Variants in TLN2 observed in about 807,000 individuals in gnomAD.
TLN2 encodes the protein talin-2.
A neutral mutation model predicts 294.7 loss-of-function variants in TLN2; 118 were observed. The observed-to-expected ratio is 0.40, with a 90% CI of 0.34 to 0.47. The LOEUF (loss-of-function observed/expected upper bound fraction) is 0.47, where lower values mean the gene tolerates loss of function less well. Ranked by LOEUF, TLN2 falls within the 20% of genes least tolerant of loss-of-function variation. TLN2 has a pLI of 0.84. For missense variants in TLN2, 3,083 were observed against 3,282.2 expected, an observed-to-expected ratio of 0.94 and a Z score of 1.48; for synonymous variants, 1,431 against 1,304.5, an observed-to-expected ratio of 1.10 and a Z score of -2.09.
At chr15:62,564,169 G>A (rs1231083895) in intron 1 of TLN2, among the ~76,000 whole-genome samples, 1 of 152,188 alleles carries the variant, frequency 6.6e-6, no homozygotes, top group Non-Finnish European at 1.5e-5. Flanking sequence ...ACACATGAGG[G>A]AATGGAGACT....
intron 32 of TLN2, among the ~76,000 whole-genome samples, chr15:62,748,028 C>T (rs2061710892): frequency 1.3e-5 from 2 of 151,948 alleles, no homozygotes; most frequent in Admixed American, 1.3e-4. Context: ...GAGAGGTAGA[C>T]ACACTGGTGT....
Position 62,711,902 on chromosome 15 carries a change from G to A in TLN2, c.2468-9G>A, listed in dbSNP as rs745578451. On this transcript the variant is annotated splice_polypyrimidine_tract_variant and intron_variant, in intron 21 of 58. Coordinates refer to ENST00000636159, the MANE Select transcript of TLN2 (RefSeq NM_015059.3). The stretch of plus-strand genomic sequence containing the variant: ...ACAAACAGACCTCATCCTCTATTCT[G>A]TCTTCTAGGTGAAATGGTGCGCCAG... 1 of 1,602,492 alleles carries A rather than the reference G, an allele frequency of 6.2e-7. No homozygotes were observed. Among genetic ancestry groups the A allele is most frequent in the Non-Finnish European group, 8.5e-7 (1 of 1,170,958 alleles).
At chr15:62,415,705 G>C (rs1396414451) in intron 1 of TLN2, among the ~76,000 whole-genome samples, 1 of 152,220 alleles carries the variant, frequency 6.6e-6, no homozygotes, top group Non-Finnish European at 1.5e-5. Context: ...GTGTTCCAAG[G>C]GTTGGGCCAG....
chr15:62,585,134 T>C (rs2045482889), intron 1 of TLN2, among the ~76,000 whole-genome samples: 1 of 152,186 alleles, frequency 6.6e-6, no homozygotes. Flanking sequence ...AGGGTTCAGC[T>C]GCATACATCC....
chr15:62,679,681 C>G (rs2056619486), intron 11 of TLN2, among the ~76,000 whole-genome samples: 1 of 152,170 alleles, frequency 6.6e-6, no homozygotes, highest in Non-Finnish European at 1.5e-5. Flanking sequence ...TATTCTAGAA[C>G]TGACTGTGGT....
chr15:62,508,960 A>G (rs1309160690), intron 1 of TLN2, among the ~76,000 whole-genome samples: 2 of 152,234 alleles, frequency 1.3e-5, no homozygotes, highest in Admixed American at 6.5e-5. Flanking sequence ...TGAATTTACT[A>G]TAAGCCAGCC....
intron 50 of TLN2, among the ~76,000 whole-genome samples, chr15:62,805,266 G>C (rs1377573462): frequency 6.6e-6 from 1 of 152,112 alleles, no homozygotes; most frequent in Admixed American, 6.5e-5. Flanking sequence ...TGGGGGAAGA[G>C]AACTATGAAG....
In TLN2 at chr15:62,797,245, C is replaced by A. The variant is rs747736381; in HGVS notation, c.6077C>A (p.Ala2026Asp). 1 of 1,614,032 alleles carries A rather than the reference C, an allele frequency of 6.2e-7. No homozygotes were observed. Among genetic ancestry groups the A allele is most frequent in the African/African-American group, 1.3e-5 (1 of 74,950 alleles). The change falls in exon 48 of 59, where the codon GCC becomes GAC. Residue 2026 changes from alanine to aspartate, a missense_variant. Physicochemically the swap from Ala to Asp is moderately radical, Grantham distance 126 (BLOSUM62 -2). Transcript: ENST00000636159. ...HRENILKTAK[A>D]LVEDTKLLVS... ...GAGAACATTCTCAAGACGGCCAAGG[C>A]CTTGGTAGAAGACACGAAACTACTT...
intron 45 of TLN2, among the ~76,000 whole-genome samples, chr15:62,789,698 T>C (rs1031313300): frequency 6.6e-6 from 1 of 152,136 alleles, no homozygotes; most frequent in African/African-American, 2.4e-5. Context: ...ATTTTGCAAA[T>C]AGAAAGCTCA....
chr15:62,409,442 G>T (rs1182776807), intron 1 of TLN2, among the ~76,000 whole-genome samples: 1 of 152,068 alleles, frequency 6.6e-6, no homozygotes, highest in Non-Finnish European at 1.5e-5. Flanking sequence ...CTGTTGCAGG[G>T]TCTCATTCTG....
chr15:62,832,299 A>T (rs765468351), intron 54 of TLN2: 1 of 152,194 alleles, frequency 6.6e-6, no homozygotes, highest in Non-Finnish European at 1.5e-5. Context: ...TTTACCACAC[A>T]TACAGAGAAA....
chr15:62,590,714 G>A (rs1184470280), intron 2 of TLN2, among the ~76,000 whole-genome samples: 1 of 152,176 alleles, frequency 6.6e-6, no homozygotes, highest in Non-Finnish European at 1.5e-5. Flanking sequence ...GGGGGGTTGT[G>A]TGATCCCAAG....
intron 1 of TLN2, among the ~76,000 whole-genome samples, chr15:62,496,550 G>A: frequency 6.6e-6 from 1 of 152,206 alleles, no homozygotes; most frequent in East Asian, 1.9e-4. Context: ...CAGGAATGCA[G>A]ATGCCCAGAT....
chr15:62,680,797 C>G (rs2056759027), intron 11 of TLN2, among the ~76,000 whole-genome samples: 1 of 152,112 alleles, frequency 6.6e-6, no homozygotes, highest in Non-Finnish European at 1.5e-5. Context: ...ATCCTCATAG[C>G]TTAACTCCCA....
chr15:62,766,697 A>G lies in TLN2; in HGVS notation c.5196+275A>G, dbSNP rs529282018. On this transcript the variant is annotated intron_variant, in intron 41 of 58. Transcript: ENST00000636159. ...GAGATGTAATTTGGCATTTACAGTC[A>G]TCCGTTGCAATCGACCTTTGCTGAA... is the stretch of plus-strand genomic sequence containing the variant. Among the ~76,000 whole-genome samples the G allele has an allele frequency of 5.3e-5, 8 of 152,284 alleles. No individual in the cohort carries two copies. The East Asian group carries it at 1.5e-3, about 29-fold the overall frequency.
intron 1 of TLN2, among the ~76,000 whole-genome samples, chr15:62,553,693 T>C (rs1471299438): frequency 6.6e-6 from 1 of 152,228 alleles, no homozygotes; most frequent in Non-Finnish European, 1.5e-5. Flanking sequence ...AATAAATGCA[T>C]CTATATTAAA....
chr15:62,523,173 C>G (rs1039655723), intron 1 of TLN2, among the ~76,000 whole-genome samples: 1 of 152,144 alleles, frequency 6.6e-6, no homozygotes, highest in African/African-American at 2.4e-5. Context: ...GCTGTTCTTA[C>G]AGAGCCCCGA....
chr15:62,711,080 G>C (rs932168585), intron 21 of TLN2, among the ~76,000 whole-genome samples: 2 of 152,056 alleles, frequency 1.3e-5, no homozygotes, highest in Admixed American at 6.6e-5. Flanking sequence ...ACAGTGAATT[G>C]AGCACATTTT....
rs115673541 is a variant in TLN2, at chr15:62,657,640, C to T, written c.661-131C>T. On this transcript the variant is annotated intron_variant, in intron 8 of 58. Transcript: ENST00000636159. The stretch of plus-strand genomic sequence containing the variant: ...CGGTGATCATCCACTGTGTCCTGCA[C>T]ATGTCACCGTGGGTTGGCTGGCACT... 1.3e-5 allele frequency: 18 copies of T among 1,383,830 alleles called. No individual in the cohort carries two copies. The African/African-American group carries it at 2.5e-4, about 19-fold the overall frequency. The allele number at this position is 1,383,830 out of a possible 1,614,324, so 85.7% of individuals were successfully genotyped here. A position where few individuals can be genotyped will look rare whatever the true frequency, so the allele number is the denominator to read the frequency against.
Sources: allele counts gnomAD v4.1 joint callset (sites outside exome capture counted in the v4.1 genomes callset), GRCh38; gene constraint gnomAD v4.1.1; transcripts MANE v1.5; gene names NCBI Gene and HGNC (gene_info 2026-07-23, HGNC 2026-07-21).